Variants in CACNA2D1 observed in about 807,000 individuals in gnomAD.
CACNA2D1 encodes calcium voltage-gated channel auxiliary subunit alpha2delta 1.
In CACNA2D1, 53 loss-of-function variants were observed where a neutral mutation model predicts 171.5. That is an observed-to-expected ratio of 0.31 (90% confidence interval 0.25 to 0.39). The LOEUF is 0.39. CACNA2D1 is among the 10% of genes least tolerant of loss of function. The pLI is 1.00. For synonymous variants in CACNA2D1, 442 were observed against 443.1 expected (o/e 1.00, Z 0.03); for missense variants, 903 against 1,299.8 (o/e 0.69, Z 4.69).
intron 1 of CACNA2D1, among the ~76,000 whole-genome samples, chr7:82,408,115 G>A (rs553230745): frequency 1.3e-5 from 2 of 151,260 alleles, no homozygotes; most frequent in East Asian, 3.9e-4. Context: ...CCGCCTCCCA[G>A]GTTCAAGCAA....
chr7:82,259,318 C>A (rs1806777031), intron 3 of CACNA2D1, among the ~76,000 whole-genome samples: 1 of 152,084 alleles, frequency 6.6e-6, no homozygotes, highest in South Asian at 2.1e-4. Context: ...GGTCTCAACC[C>A]AAATTGTTTA....
intron 1 of CACNA2D1, among the ~76,000 whole-genome samples, chr7:82,390,244 G>A (rs1009183993): frequency 6.6e-6 from 1 of 152,038 alleles, no homozygotes; most frequent in Admixed American, 6.5e-5. Flanking sequence ...AGTCAATAAC[G>A]TATCTGTGTT....
chr7:82,142,081 T>C (rs1486966462), intron 4 of CACNA2D1, among the ~76,000 whole-genome samples: 2 of 152,210 alleles, frequency 1.3e-5, no homozygotes, highest in Non-Finnish European at 2.9e-5. Context: ...CAAGGCATTA[T>C]GTGCAGTATG....
At chr7:82,179,299 C>T (rs2057894) in intron 3 of CACNA2D1, among the ~76,000 whole-genome samples, 1 of 151,602 alleles carries the variant, frequency 6.6e-6, no homozygotes, top group South Asian at 2.1e-4. Context: ...GAAGGAATCA[C>T]TGTGGAGAAG....
chr7:82,075,926 A>C (rs1808910839), intron 7 of CACNA2D1, among the ~76,000 whole-genome samples: 1 of 152,194 alleles, frequency 6.6e-6, no homozygotes, highest in Non-Finnish European at 1.5e-5. Context: ...GAAAACAGCT[A>C]AATTTTTTTA....
intron 1 of CACNA2D1, among the ~76,000 whole-genome samples, chr7:82,354,033 C>T (rs1450866109): frequency 6.6e-6 from 1 of 152,072 alleles, no homozygotes; most frequent in Non-Finnish European, 1.5e-5. Flanking sequence ...CTCCCTTCTT[C>T]GCTGAAGACT....
At chr7:81,977,968 CAACA>C (rs1305473896) in intron 24 of CACNA2D1, among the ~76,000 whole-genome samples, 1 of 152,020 alleles carries the variant, frequency 6.6e-6, no homozygotes, top group African/African-American at 2.4e-5. Flanking sequence ...TTTATGCGGC[CAACA>C]AACATATGAA....
chr7:82,314,915 T>G (rs1293956317), intron 3 of CACNA2D1, among the ~76,000 whole-genome samples: 1 of 151,874 alleles, frequency 6.6e-6, no homozygotes, highest in Non-Finnish European at 1.5e-5. Flanking sequence ...CATATTCCAG[T>G]GTTAAAGAAA....
chr7:82,305,565 C>A (rs542327387), intron 3 of CACNA2D1, among the ~76,000 whole-genome samples: 130 of 151,310 alleles, frequency 8.6e-4, no homozygotes, highest in Non-Finnish European at 1.5e-3. Context: ...CATAACAAGA[C>A]TACCTTTGCC....
chr7:82,092,390 G>A (rs1357510472), intron 6 of CACNA2D1, among the ~76,000 whole-genome samples: 1 of 148,192 alleles, frequency 6.7e-6, no homozygotes, highest in Non-Finnish European at 1.5e-5. Flanking sequence ...TTTTTTTCTT[G>A]AGACAGAGTC....
At chr7:82,436,119 T>C (rs1240109376) in intron 1 of CACNA2D1, among the ~76,000 whole-genome samples, 2 of 152,198 alleles carry the variant, frequency 1.3e-5, no homozygotes, top group Non-Finnish European at 2.9e-5. Flanking sequence ...CTCAGCGCAG[T>C]ACGTAATTTG....
At chr7:82,137,445 T>C (rs1313870729) in intron 4 of CACNA2D1, among the ~76,000 whole-genome samples, 1 of 152,162 alleles carries the variant, frequency 6.6e-6, no homozygotes, top group Non-Finnish European at 1.5e-5. Context: ...ATAATCCACT[T>C]AGACTGATTT....
chr7:82,283,536 A>G (rs974903165), intron 3 of CACNA2D1, among the ~76,000 whole-genome samples: 1 of 152,238 alleles, frequency 6.6e-6, no homozygotes, highest in Admixed American at 6.5e-5. Flanking sequence ...ACATTAATGG[A>G]GAATTTTAAG....
chr7:82,303,797 T>C (rs984764573), intron 3 of CACNA2D1, among the ~76,000 whole-genome samples: 6 of 152,160 alleles, frequency 3.9e-5, no homozygotes, highest in Non-Finnish European at 7.4e-5. Context: ...CTTCAGTACA[T>C]TGGTCTAGGC....
intron 1 of CACNA2D1, among the ~76,000 whole-genome samples, chr7:82,419,155 G>A (rs1454014418): frequency 2.6e-5 from 4 of 151,088 alleles, no homozygotes; most frequent in Non-Finnish European, 5.9e-5. Flanking sequence ...AAAGTAAAGC[G>A]TCACACTGTC....
In CACNA2D1 at chr7:81,971,873, GAA is replaced by G; in HGVS notation, c.2054-11_2054-10del. On this transcript the variant is annotated splice_polypyrimidine_tract_variant and intron_variant, in intron 25 of 38. Coordinates refer to ENST00000356860, the MANE Select transcript of CACNA2D1 (RefSeq NM_000722.4). ...AATCAAATCCGCGTTACCTAACACA[GAA>G]AAAGATCATCAGTTACACTCACATT... 1 of 1,540,458 alleles carries G rather than the reference GAA, an allele frequency of 6.5e-7. No individual in the cohort carries two copies. Among genetic ancestry groups the G allele is most frequent in the Non-Finnish European group, 9.0e-7 (1 of 1,114,424 alleles).
intron 6 of CACNA2D1, among the ~76,000 whole-genome samples, chr7:82,103,310 A>C (rs975914214): frequency 6.6e-6 from 1 of 152,144 alleles, no homozygotes; most frequent in Non-Finnish European, 1.5e-5. Flanking sequence ...AATAAGGAAT[A>C]ATCTAACAAA....
intron 24 of CACNA2D1, among the ~76,000 whole-genome samples, chr7:81,981,714 A>G (rs902169700): frequency 1.3e-5 from 2 of 152,168 alleles, no homozygotes; most frequent in African/African-American, 4.8e-5. Flanking sequence ...AGAATAAAGA[A>G]CACCCTGGGA....
intron 6 of CACNA2D1, among the ~76,000 whole-genome samples, chr7:82,098,072 A>G (rs1812133712): frequency 6.6e-6 from 1 of 152,008 alleles, no homozygotes; most frequent in South Asian, 2.1e-4. Context: ...CGAGGTTGCA[A>G]TGAGCCGAGA....
Sources: gnomAD v4.1 joint callset for allele counts (sites outside exome capture counted in the v4.1 genomes callset) on GRCh38, gnomAD v4.1.1 for gene constraint, MANE v1.5 for transcripts, NCBI Gene and HGNC (gene_info 2026-07-23, HGNC 2026-07-21) for gene names.